Variants in GULP1 observed in about 807,000 individuals in gnomAD.
GULP1 encodes GULP PTB domain containing engulfment adaptor 1, also known as PTB domain-containing engulfment adapter protein 1.
Under a neutral mutation model 40.9 loss-of-function variants are expected in GULP1, and 19 were observed. That is an observed-to-expected ratio of 0.46 (90% CI 0.32 to 0.68). GULP1 has a LOEUF of 0.68. Among genes scored for constraint, GULP1 ranks in the 30% least tolerant of loss-of-function variants. The pLI is 0.03. For missense variants in GULP1, 312 were observed against 362.2 expected, an observed-to-expected ratio of 0.86 and a Z score of 1.12; for synonymous variants, 119 against 117.6, an observed-to-expected ratio of 1.01 and a Z score of -0.08.
intron 2 of GULP1, among the ~76,000 whole-genome samples, chr2:188,469,626 G>T (rs1401981079): frequency 6.6e-6 from 1 of 152,098 alleles, no homozygotes; most frequent in Non-Finnish European, 1.5e-5. Context: ...GTGCATCCTT[G>T]TGTTCCAGAT....
chr2:188,396,118 C>T (rs1312492180), intron 2 of GULP1, among the ~76,000 whole-genome samples: 1 of 152,152 alleles, frequency 6.6e-6, no homozygotes, highest in Non-Finnish European at 1.5e-5. Context: ...CAGGAGGTGG[C>T]GCTTGCAGAA....
intron 2 of GULP1, among the ~76,000 whole-genome samples, chr2:188,421,270 A>C (rs1043445242): frequency 1.6e-4 from 25 of 152,206 alleles, no homozygotes; most frequent in African/African-American, 3.4e-4. Flanking sequence ...TTAAATTTCA[A>C]ATTCGTCAAC....
intron 6 of GULP1, among the ~76,000 whole-genome samples, chr2:188,538,694 A>AGT (rs113650180): frequency 0.059 from 8,585 of 144,700 alleles, 486 homozygotes; most frequent in African/African-American, 0.15. Context: ...TGTGTGTGTG[A>AGT]GTGTGTGTGT....
chr2:188,363,965 C>G (rs564996578), intron 1 of GULP1, among the ~76,000 whole-genome samples: 2 of 152,246 alleles, frequency 1.3e-5, no homozygotes, highest in South Asian at 2.1e-4. Context: ...TTAAACTTAT[C>G]AGATCTAACA....
intron 1 of GULP1, among the ~76,000 whole-genome samples, chr2:188,351,029 A>G (rs1160412008): frequency 1.3e-5 from 2 of 152,170 alleles, no homozygotes; most frequent in Non-Finnish European, 2.9e-5. Flanking sequence ...ATGATGTTTC[A>G]GACCAATGTA....
chr2:188,456,404 C>T (rs1316109481), intron 2 of GULP1, among the ~76,000 whole-genome samples: 4 of 152,140 alleles, frequency 2.6e-5, no homozygotes, highest in African/African-American at 7.2e-5. Context: ...CCATCCCAGC[C>T]GCTCCGCCAT....
At position 188,552,909 on chromosome 2, in the gene GULP1, C is replaced by A. The variant is rs144177389; in HGVS notation, c.399+11591C>A. Among the ~76,000 whole-genome samples, 1,149 of 150,130 alleles carry A rather than the reference C, an allele frequency of 7.7e-3. 10 individuals are homozygous for A. The highest frequency in any genetic ancestry group is 0.023 in the African/African-American group (959 of 41,114). On this transcript the variant is annotated intron_variant, in intron 7 of 11. Transcript: ENST00000409830. ...TATACATATATGTGTTTATCTCTCT[C>A]TATATATATACGTATATATATGCAT...
intron 2 of GULP1, among the ~76,000 whole-genome samples, chr2:188,444,329 AT>A (rs1303879495): frequency 6.6e-6 from 1 of 152,204 alleles, no homozygotes; most frequent in Non-Finnish European, 1.5e-5. Flanking sequence ...AAGTAGCTGG[AT>A]TTAGTGATCT....
intron 1 of GULP1, among the ~76,000 whole-genome samples, chr2:188,352,618 T>TCACTCACACACACACA (rs2044637606): frequency 7.4e-6 from 1 of 134,406 alleles, no homozygotes; most frequent in Non-Finnish European, 1.6e-5. Context: ...TCTCTCTCTC[T>TCACTCACACACACACA]CACACACACA....
At chr2:188,469,826 C>G (rs1397304686) in intron 2 of GULP1, among the ~76,000 whole-genome samples, 1 of 151,770 alleles carries the variant, frequency 6.6e-6, no homozygotes, top group Non-Finnish European at 1.5e-5. Context: ...GTTTTTAATC[C>G]TTTGATCTGT....
At chr2:188,547,300 T>C (rs1692223581) in intron 7 of GULP1, among the ~76,000 whole-genome samples, 1 of 151,372 alleles carries the variant, frequency 6.6e-6, no homozygotes, top group African/African-American at 2.4e-5. Flanking sequence ...TAAAAATTCC[T>C]AAGGAAATAT....
intron 1 of GULP1, among the ~76,000 whole-genome samples, chr2:188,321,601 A>G (rs1334282415): frequency 6.6e-6 from 1 of 152,098 alleles, no homozygotes; most frequent in Admixed American, 6.6e-5. Flanking sequence ...GTATAGATGT[A>G]TTTTTATTGA....
chr2:188,587,898 T>G lies in GULP1; in HGVS notation c.792T>G (p.Cys264Trp). 6.2e-7 allele frequency: 1 copy of G among 1,611,186 alleles called. No individual in the cohort carries two copies. The highest frequency in any genetic ancestry group is 1.3e-5 in the African/African-American group (1 of 74,976). Residue 264 changes from cysteine to tryptophan, a missense_variant, in exon 11 of 12, where the codon TGT becomes TGG. Physicochemically the swap from Cys to Trp is radical, Grantham distance 215 (BLOSUM62 -2). Coordinates refer to ENST00000409830, the MANE Select transcript of GULP1 (RefSeq NM_016315.4). ...CAGAACCTTTTGACCCATTTAACTGTGGAGCAGCAGATTTCCCTCCAGATA... is the reference window on the plus strand; with the variant it reads ...CAGAACCTTTTGACCCATTTAACTGGGGAGCAGCAGATTTCCCTCCAGATA... ...FGAEPFDPFN[C>W]GAADFPPDIQ...
chr2:188,404,758 C>T (rs141769973), intron 2 of GULP1, among the ~76,000 whole-genome samples: 2,144 of 152,174 alleles, frequency 0.014, 23 homozygotes, highest in Non-Finnish European at 0.02. Flanking sequence ...ACCAGGCCAG[C>T]CCCCGAGTCT....
At chr2:188,297,606 T>C in intron 1 of GULP1, 1 of 423,880 alleles carries the variant, frequency 2.4e-6, no homozygotes, top group South Asian at 1.7e-5. Flanking sequence ...TATCCTTATT[T>C]CTATAAGAGA....
intron 2 of GULP1, among the ~76,000 whole-genome samples, chr2:188,458,681 A>G (rs1385568538): frequency 6.6e-6 from 1 of 152,158 alleles, no homozygotes; most frequent in East Asian, 1.9e-4. Flanking sequence ...GTTAGAAACA[A>G]TCTTATTATA....
chr2:188,298,363 TA>T (rs2035440493), intron 1 of GULP1, among the ~76,000 whole-genome samples: 1 of 150,860 alleles, frequency 6.6e-6, no homozygotes, highest in South Asian at 2.1e-4. Context: ...TAATTAAATA[TA>T]ATTAGAGGGT....
intron 1 of GULP1, among the ~76,000 whole-genome samples, chr2:188,351,992 T>C (rs2044517792): frequency 2.0e-5 from 3 of 152,182 alleles, no homozygotes; most frequent in Admixed American, 6.5e-5. Flanking sequence ...CATGTATCCC[T>C]GTTTGCCAGA....
intron 2 of GULP1, among the ~76,000 whole-genome samples, chr2:188,388,702 CACTAAGCTAGGAACTGTAGGAAAATA>C (rs1345265965): frequency 2.0e-5 from 3 of 152,154 alleles, no homozygotes; most frequent in Non-Finnish European, 4.4e-5. Context: ...GCTCGCCAGG[CACTAAGCTAGGAACTGTAGGAAAATA>C]AAACGATGAA....
Sources: gnomAD v4.1 joint callset for allele counts (sites outside exome capture counted in the v4.1 genomes callset) on GRCh38, gnomAD v4.1.1 for gene constraint, MANE v1.5 for transcripts, NCBI Gene and HGNC (gene_info 2026-07-23, HGNC 2026-07-21) for gene names.